Variants in VPS13B observed in about 807,000 individuals in gnomAD.
VPS13B encodes the protein intermembrane lipid transfer protein VPS13B.
In VPS13B, 285 loss-of-function variants were observed where a neutral mutation model predicts 426.4. The ratio of observed to expected loss-of-function variants is 0.67; its 90% CI spans 0.61 to 0.74. VPS13B has a LOEUF of 0.74. Ranked by LOEUF, VPS13B falls within the 30% of genes least tolerant of loss-of-function variation. The pLI, the probability that VPS13B is intolerant of heterozygous loss-of-function variation, is 0.00. For synonymous variants in VPS13B, 1,676 were observed against 1,676.4 expected (o/e 1.00, Z 0.01); for missense variants, 4,537 against 4,782.6 (o/e 0.95, Z 1.51).
chr8:99,874,260 T>G (rs1817579006), intron 61 of VPS13B, among the ~76,000 whole-genome samples: 1 of 152,228 alleles, frequency 6.6e-6, no homozygotes, highest in Non-Finnish European at 1.5e-5. Context: ...TCCAGCTGAA[T>G]TCTGGCCCCA....
At chr8:99,524,932 CAGT>C (rs1822568770) in intron 30 of VPS13B, among the ~76,000 whole-genome samples, 1 of 152,174 alleles carries the variant, frequency 6.6e-6, no homozygotes, top group African/African-American at 2.4e-5. Flanking sequence ...ATTGTATACG[CAGT>C]GAGAATATCC....
At chr8:99,063,156 A>T (rs916203728) in intron 3 of VPS13B, among the ~76,000 whole-genome samples, 1 of 152,214 alleles carries the variant, frequency 6.6e-6, no homozygotes, top group Admixed American at 6.5e-5. Flanking sequence ...CGTGATTGAC[A>T]CAGAAGACGG....
chr8:99,114,782 G>C (rs543731788), intron 6 of VPS13B, among the ~76,000 whole-genome samples: 2 of 152,180 alleles, frequency 1.3e-5, no homozygotes, highest in African/African-American at 4.8e-5. Context: ...AAAATACGAT[G>C]ATTACCATTA....
chr8:99,172,407 C>G (rs1013338815), intron 16 of VPS13B, among the ~76,000 whole-genome samples: 1 of 151,936 alleles, frequency 6.6e-6, no homozygotes, highest in African/African-American at 2.4e-5. Flanking sequence ...TCTTAGGTAC[C>G]TAGTTAAAGT....
intron 61 of VPS13B, among the ~76,000 whole-genome samples, chr8:99,874,318 C>T (rs947010116): frequency 1.3e-5 from 2 of 152,198 alleles, no homozygotes; most frequent in Admixed American, 6.5e-5. Flanking sequence ...GCAGAGCTTT[C>T]GTCTGTTAGT....
chr8:99,686,046 T>C (rs2130030211), intron 35 of VPS13B, among the ~76,000 whole-genome samples: 1 of 152,306 alleles, frequency 6.6e-6, no homozygotes, highest in East Asian at 1.9e-4. Flanking sequence ...AAGTTTTTGG[T>C]CACTGCAGCC....
intron 43 of VPS13B, among the ~76,000 whole-genome samples, chr8:99,803,943 A>G (rs990998726): frequency 1.3e-4 from 20 of 152,294 alleles, no homozygotes; most frequent in Middle Eastern, 3.4e-3. Context: ...ATATTTTAAT[A>G]TCAGTACTGC....
At chr8:99,391,740 A>T (rs749347267) in intron 21 of VPS13B, 36 bp downstream of exon 21, 2 of 1,608,346 alleles carry the variant, frequency 1.2e-6, no homozygotes, top group Non-Finnish European at 1.7e-6. Flanking sequence ...CTATGATTGT[A>T]CTCTACTTCT....
intron 29 of VPS13B, among the ~76,000 whole-genome samples, chr8:99,516,624 CAA>C (rs1472040085): frequency 6.6e-6 from 1 of 151,162 alleles, no homozygotes; most frequent in African/African-American, 2.4e-5. Flanking sequence ...CCCCATCCTA[CAA>C]AAAATACACA....
chr8:99,212,828 A>T (rs1052656675), intron 17 of VPS13B, among the ~76,000 whole-genome samples: 1 of 150,720 alleles, frequency 6.6e-6, no homozygotes. Context: ...CAGAACTACT[A>T]CTCTCCCCTT....
chr8:99,014,110 C>CTTTTTTTTTTTTTTTTTTTTTTTTTTTTT (rs1211028912), intron 2 of VPS13B, among the ~76,000 whole-genome samples, 175 bp downstream of exon 2: 6 of 72,308 alleles, frequency 8.3e-5, no homozygotes, highest in Admixed American at 1.7e-4. Flanking sequence ...TTCTTTCTTT[C>CTTTTTTTTTTTTTTTTTTTTTTTTTTTTT]TTTTTTTTTT....
At chr8:99,481,018 C>T (rs1210809591) in intron 24 of VPS13B, among the ~76,000 whole-genome samples, 1 of 151,976 alleles carries the variant, frequency 6.6e-6, no homozygotes, top group Non-Finnish European at 1.5e-5. Context: ...GCAAATTAAA[C>T]AGTTTTTTCT....
rs549009173 is a variant in VPS13B at position 99,577,091 on chromosome 8, C to T, written c.5077-399C>T. Among the ~76,000 whole-genome samples the T allele has an allele frequency of 4.1e-4, 62 of 152,204 alleles. 3 individuals carry two copies. In the South Asian group the frequency reaches 7.3e-3, roughly 18 times the overall value. Reference sequence around the variant, plus strand: ...TGTGATATTCATAGGACTCTACTATCGTACCTAGTACTTAGGAAATGCTCA... The same window carrying T: ...TGTGATATTCATAGGACTCTACTATTGTACCTAGTACTTAGGAAATGCTCA... On this transcript the variant is annotated intron_variant, in intron 32 of 61. Transcript: ENST00000357162.
chr8:99,401,968 C>T (rs1815062920), intron 21 of VPS13B, among the ~76,000 whole-genome samples: 1 of 152,180 alleles, frequency 6.6e-6, no homozygotes, highest in Non-Finnish European at 1.5e-5. Context: ...CTCCTGGACT[C>T]AGGCCAGGAA....
At chr8:99,816,109 T>TCA (rs549527616) in intron 44 of VPS13B, among the ~76,000 whole-genome samples, 1 of 102,416 alleles carries the variant, frequency 9.8e-6, no homozygotes, top group African/African-American at 4.0e-5. Context: ...TCTCTCTCTC[T>TCA]TTTTTTTTTT....
intron 7 of VPS13B, chr8:99,120,383 T>C (rs1340707339): frequency 6.6e-6 from 1 of 152,200 alleles, no homozygotes; most frequent in African/African-American, 2.4e-5. Flanking sequence ...AATTTTTTTT[T>C]CTAAATTTCA....
chr8:99,137,407 A>G (rs541151715), intron 12 of VPS13B, among the ~76,000 whole-genome samples: 2 of 152,220 alleles, frequency 1.3e-5, no homozygotes, highest in Non-Finnish European at 1.5e-5. Flanking sequence ...TTAGGTACAG[A>G]TGAATGCAAT....
At chr8:99,842,069 A>G (rs1329528196) in intron 54 of VPS13B, among the ~76,000 whole-genome samples, 1 of 152,182 alleles carries the variant, frequency 6.6e-6, no homozygotes, top group Non-Finnish European at 1.5e-5. Context: ...TAAGTCTATA[A>G]TTCTTCCATA....
chr8:99,122,255 T>C (rs1225197067), intron 8 of VPS13B, among the ~76,000 whole-genome samples: 1 of 151,744 alleles, frequency 6.6e-6, no homozygotes, highest in East Asian at 1.9e-4. Flanking sequence ...TAGGTCCTCT[T>C]CTAGCTATTT....
Sources: allele counts gnomAD v4.1 joint callset (sites outside exome capture counted in the v4.1 genomes callset), GRCh38; gene constraint gnomAD v4.1.1; transcripts MANE v1.5; gene names NCBI Gene and HGNC (gene_info 2026-07-23, HGNC 2026-07-21).